The following PPP2R3A variants were observed in gnomAD, a reference collection of about 807,000 sequenced individuals.
PPP2R3A encodes serine/threonine-protein phosphatase 2A regulatory subunit B'' subunit alpha.
In PPP2R3A, 80 loss-of-function variants were observed where a neutral mutation model predicts 106.9. The observed-to-expected ratio is 0.75, with a 90% confidence interval of 0.62 to 0.90. The LOEUF (loss-of-function observed/expected upper bound fraction) is 0.90. Ranked by LOEUF, PPP2R3A falls within the 40% of genes least tolerant of loss-of-function variation. The pLI is 0.00. For missense variants in PPP2R3A, 1,386 were observed against 1,350.4 expected (o/e 1.03, Z -0.41); for synonymous variants, 483 against 468.3 (o/e 1.03, Z -0.41).
In PPP2R3A at chr3:136,141,955, AG is replaced by A. The variant is rs775376048; in HGVS notation, c.3330-3085del. 5.3e-5 allele frequency among the ~76,000 whole-genome samples: 8 copies of A among 152,206 alleles called. No individual in the cohort carries two copies. In the East Asian group the frequency reaches 1.5e-3, roughly 29 times the overall value. Reference sequence around the variant, plus strand: ...AGATGACAGTGCCATTGACTAAAATAGGGAGAACCAGGGCAGTGGGAAAGAT... The same window carrying A: ...AGATGACAGTGCCATTGACTAAAATAGGAGAACCAGGGCAGTGGGAAAGAT... On this transcript the variant is annotated intron_variant, in intron 13 of 13. Coordinates refer to ENST00000264977, the MANE Select transcript of PPP2R3A (RefSeq NM_002718.5).
intron 8 of PPP2R3A, among the ~76,000 whole-genome samples, chr3:136,082,832 T>C (rs756285345): frequency 7.2e-5 from 11 of 152,208 alleles, no homozygotes; most frequent in Admixed American, 1.3e-4. Context: ...ACTTGCCAAG[T>C]TTTATTTTCA....
chr3:136,044,046 A>T (rs1370796335), intron 4 of PPP2R3A, among the ~76,000 whole-genome samples: 1 of 152,038 alleles, frequency 6.6e-6, no homozygotes, highest in East Asian at 1.9e-4. Flanking sequence ...ATTCTGTTTT[A>T]TATATATAAG....
intron 13 of PPP2R3A, among the ~76,000 whole-genome samples, chr3:136,113,386 GGAAA>G (rs1937626575): frequency 6.6e-6 from 1 of 152,090 alleles, no homozygotes; most frequent in Non-Finnish European, 1.5e-5. Flanking sequence ...TAAGCAATGA[GGAAA>G]GAACTCCCTA....
chr3:136,140,769 T>C (rs1175886411), intron 13 of PPP2R3A, among the ~76,000 whole-genome samples: 1 of 145,688 alleles, frequency 6.9e-6, no homozygotes, highest in East Asian at 2.0e-4. Flanking sequence ...AAAAAGCCGG[T>C]TGTGGTGGCA....
At chr3:135,990,457 T>C (rs1282664784) in intron 1 of PPP2R3A, among the ~76,000 whole-genome samples, 1 of 152,238 alleles carries the variant, frequency 6.6e-6, no homozygotes, top group African/African-American at 2.4e-5. Context: ...TTGTCTCATT[T>C]ATTTTATCTC....
In PPP2R3A at chr3:136,027,052, T is replaced by A. The variant is rs199685754; in HGVS notation, c.2216T>A (p.Ile739Asn). The change falls in exon 3 of 14, where the codon ATT becomes AAT. Residue 739 changes from isoleucine to asparagine, a missense_variant. Transcript: ENST00000264977. ...AGAATTGAAACTGCTTTCATGGATATTGAAGAACAGAAAGCAGACATTTAT... is the reference window on the plus strand; with the variant it reads ...AGAATTGAAACTGCTTTCATGGATAATGAAGAACAGAAAGCAGACATTTAT... ...LSRIETAFMDIEEQKADIYEM... is the reference protein window; with the variant it reads ...LSRIETAFMDNEEQKADIYEM... 203 of 1,613,426 alleles carry A rather than the reference T, an allele frequency of 1.3e-4. No homozygotes were observed. The highest frequency in any genetic ancestry group is 1.6e-4 in the Non-Finnish European group (185 of 1,179,580).
chr3:136,101,852 AG>A (rs1937368374), intron 10 of PPP2R3A, among the ~76,000 whole-genome samples, 154 bp from the exon 11 acceptor site: 1 of 152,230 alleles, frequency 6.6e-6, no homozygotes, highest in Non-Finnish European at 1.5e-5. Context: ...AAAGGGAAGA[AG>A]GGGTCCGCCA....
At chr3:136,022,170 G>C (rs1934488039) in intron 2 of PPP2R3A, among the ~76,000 whole-genome samples, 1 of 152,154 alleles carries the variant, frequency 6.6e-6, no homozygotes, top group Admixed American at 6.5e-5. Flanking sequence ...TATGTAGTAT[G>C]TCATTGCTGT....
chr3:136,104,743 T>C (rs1201720692), intron 12 of PPP2R3A, among the ~76,000 whole-genome samples: 1 of 152,192 alleles, frequency 6.6e-6, no homozygotes, highest in Non-Finnish European at 1.5e-5. Flanking sequence ...TTAATAGTGG[T>C]CATTGTTTAG....
intron 5 of PPP2R3A, among the ~76,000 whole-genome samples, chr3:136,056,354 C>G (rs1935860104): frequency 6.6e-6 from 1 of 152,018 alleles, no homozygotes; most frequent in Non-Finnish European, 1.5e-5. Context: ...GTGTCAATAT[C>G]AGTTTAATTT....
At chr3:136,098,185 A>G (rs1445982632) in intron 10 of PPP2R3A, among the ~76,000 whole-genome samples, 2 of 152,212 alleles carry the variant, frequency 1.3e-5, no homozygotes, top group African/African-American at 4.8e-5. Context: ...GTGTGGTGGT[A>G]CATGCCTCTG....
At chr3:136,068,826 T>A (rs1331309335) in intron 5 of PPP2R3A, among the ~76,000 whole-genome samples, 1 of 152,144 alleles carries the variant, frequency 6.6e-6, no homozygotes, top group African/African-American at 2.4e-5. Context: ...AAAGTTAACA[T>A]CACCAAATGA....
At chr3:136,006,175 T>C (rs560434516) in intron 2 of PPP2R3A, among the ~76,000 whole-genome samples, 2 of 152,356 alleles carry the variant, frequency 1.3e-5, no homozygotes, top group South Asian at 4.1e-4. Context: ...TATTAAAAGA[T>C]TGTCTCCTGC....
intron 13 of PPP2R3A, chr3:136,106,580 G>T: frequency 2.2e-6 from 1 of 452,406 alleles, no homozygotes; most frequent in Non-Finnish European, 4.0e-6. Context: ...TCAAACTACT[G>T]TTTTAGTGAT....
At chr3:136,038,592 G>A (rs1258372415) in intron 3 of PPP2R3A, among the ~76,000 whole-genome samples, 1 of 152,188 alleles carries the variant, frequency 6.6e-6, no homozygotes, top group Non-Finnish European at 1.5e-5. Context: ...GTGGGAGTTT[G>A]AAGCACTTTG....
chr3:136,117,303 C>A (rs1937804172), intron 13 of PPP2R3A, among the ~76,000 whole-genome samples: 1 of 152,168 alleles, frequency 6.6e-6, no homozygotes, highest in Non-Finnish European at 1.5e-5. Flanking sequence ...CCAAAATCGA[C>A]ACCCTAACAT....
At chr3:136,053,938 G>T (rs1935769286) in intron 5 of PPP2R3A, among the ~76,000 whole-genome samples, 1 of 151,964 alleles carries the variant, frequency 6.6e-6, no homozygotes, top group African/African-American at 2.4e-5. Flanking sequence ...TGAGGAAAAT[G>T]ATCATCATTA....
chr3:136,055,436 C>T, intron 5 of PPP2R3A: 1 of 1,084,784 alleles, frequency 9.2e-7, no homozygotes, highest in Non-Finnish European at 1.4e-6. Flanking sequence ...AATGCAAATG[C>T]TTAAGGCACA....
chr3:136,095,655 C>A (rs1331867439), intron 10 of PPP2R3A, among the ~76,000 whole-genome samples: 5 of 152,120 alleles, frequency 3.3e-5, no homozygotes, highest in African/African-American at 7.2e-5. Context: ...AAAGAGAGTT[C>A]TTTTTGTGTC....
Sources: allele counts gnomAD v4.1 joint callset (sites outside exome capture counted in the v4.1 genomes callset), GRCh38; gene constraint gnomAD v4.1.1; transcripts MANE v1.5; gene names NCBI Gene and HGNC (gene_info 2026-07-23, HGNC 2026-07-21).